The following DHRSX variants were observed in gnomAD, a reference collection of about 807,000 sequenced individuals.
DHRSX encodes the protein polyprenol dehydrogenase.
Under a neutral mutation model 34.0 loss-of-function variants are expected in DHRSX, and 31 were observed. The ratio of observed to expected loss-of-function variants is 0.91; its 90% CI spans 0.69 to 1.23. The LOEUF (loss-of-function observed/expected upper bound fraction) is 1.23, where lower values mean the gene tolerates loss of function less well. DHRSX is among the 50% of genes most tolerant of loss of function. The pLI, the probability that DHRSX is intolerant of heterozygous loss-of-function variation, is 0.00. For missense variants in DHRSX, 414 were observed against 428.1 expected, an observed-to-expected ratio of 0.97 and a Z score of 0.29; for synonymous variants, 201 against 183.8, an observed-to-expected ratio of 1.09 and a Z score of -0.76.
intron 4 of DHRSX, among the ~76,000 whole-genome samples, chrX:2,291,014 G>A (rs1450055717): frequency 6.6e-6 from 1 of 152,170 alleles, no homozygotes; most frequent in Non-Finnish European, 1.5e-5. Context: ...AGGGCTCAAG[G>A]TCAAGGGTAG....
At chrX:2,459,270 T>A (rs190880299) in intron 1 of DHRSX, among the ~76,000 whole-genome samples, 51 of 152,190 alleles carry the variant, frequency 3.4e-4, no homozygotes, top group South Asian at 2.3e-3. Context: ...AAAACTAGAT[T>A]TTACATATTC....
intron 1 of DHRSX, among the ~76,000 whole-genome samples, chrX:2,459,589 T>C (rs866853115): frequency 6.6e-5 from 9 of 135,354 alleles, no homozygotes; most frequent in Middle Eastern, 4.2e-3. Flanking sequence ...TACACACACA[T>C]ACAATATATA....
chrX:2,303,414 A>G (rs67092064), intron 3 of DHRSX, among the ~76,000 whole-genome samples: 65,381 of 151,676 alleles, frequency 0.43, 14,735 homozygotes, highest in Middle Eastern at 0.55. Flanking sequence ...ATGAGTTCCC[A>G]CAAGATCTGG....
intron 3 of DHRSX, among the ~76,000 whole-genome samples, chrX:2,350,084 G>A (rs1196140641): frequency 1.3e-5 from 2 of 152,028 alleles, no homozygotes; most frequent in Admixed American, 6.6e-5. Context: ...AGTGGCCCAC[G>A]CCTGGTATCC....
chrX:2,484,265 A>G (rs1268245864), intron 1 of DHRSX, among the ~76,000 whole-genome samples: 1 of 152,128 alleles, frequency 6.6e-6, no homozygotes, highest in African/African-American at 2.4e-5. Context: ...GAGCCACCAC[A>G]CCCAGCAATG....
At position 2,303,797 on chromosome X, in the gene DHRSX, G is replaced by GGATGGATGGGTGGATGGGTGGA. The variant is rs1267748050; in HGVS notation, c.287-12195_287-12194insTCCACCCATCCACCCATCCATC. ...AATGGATGGATGGATGGATGGGTGG[G>GGATGGATGGGTGGATGGGTGGA]TGGGTGGGTGGATGGGTGGGTGGAT... On this transcript the variant is annotated intron_variant, in intron 3 of 6. Transcript: ENST00000334651. 8.3e-4 allele frequency among the ~76,000 whole-genome samples: 22 copies of GGATGGATGGGTGGATGGGTGGA among 26,640 alleles called. 1 individual carries two copies. Among genetic ancestry groups the GGATGGATGGGTGGATGGGTGGA allele is most frequent in the African/African-American group, 3.1e-3 (21 of 6,710 alleles). The allele number at this position is 26,640 out of a possible 152,430, so 17.5% of individuals were successfully genotyped here. A position where few individuals can be genotyped will look rare whatever the true frequency, so the allele number is the denominator to read the frequency against.
At chrX:2,389,921 C>T (rs2043315258) in intron 3 of DHRSX, among the ~76,000 whole-genome samples, 1 of 152,012 alleles carries the variant, frequency 6.6e-6, no homozygotes, top group South Asian at 2.1e-4. Context: ...GCTGGGATTA[C>T]AGGCTTGAGC....
chrX:2,328,639 G>A (rs1202888896), intron 3 of DHRSX, among the ~76,000 whole-genome samples: 1 of 152,192 alleles, frequency 6.6e-6, no homozygotes, highest in Non-Finnish European at 1.5e-5. Flanking sequence ...AAGCCCAGCA[G>A]AGAGGCCTCA....
rs2044157412 is a variant in DHRSX, at chrX:2,447,779, C to G, written c.110-22475G>C. On this transcript the variant is annotated intron_variant, in intron 1 of 6. Transcript: ENST00000334651. ...AATGTGAAGTGAAATAAACCAGGCACAGAGAGAATACCATATCATCTCGTA... is the reference window on the plus strand; with the variant it reads ...AATGTGAAGTGAAATAAACCAGGCAGAGAGAGAATACCATATCATCTCGTA... Among the ~76,000 whole-genome samples the G allele has an allele frequency of 1.5e-5, 2 of 129,540 alleles. 1 individual carries two copies. Among genetic ancestry groups the G allele is most frequent in the Non-Finnish European group, 3.2e-5 (2 of 61,626 alleles). 85.0% of individuals were successfully genotyped at this position (129,540 alleles called of 152,430 possible).
intron 3 of DHRSX, among the ~76,000 whole-genome samples, chrX:2,311,053 C>T (rs2042158587): frequency 9.5e-6 from 1 of 105,678 alleles, no homozygotes; most frequent in African/African-American, 3.7e-5. Flanking sequence ...AAGAACAACA[C>T]TCTGTGTCAA....
intron 1 of DHRSX, among the ~76,000 whole-genome samples, chrX:2,458,263 G>C (rs1200874560): frequency 6.6e-6 from 1 of 152,122 alleles, no homozygotes; most frequent in Non-Finnish European, 1.5e-5. Context: ...CGTTCCCTAA[G>C]GTCCAGCCAT....
chrX:2,490,548 C>T, intron 1 of DHRSX: 1 of 1,613,948 alleles, frequency 6.2e-7, no homozygotes, highest in South Asian at 1.1e-5. Flanking sequence ...GAGGTGTTTC[C>T]GGAGTAGGCG....
At chrX:2,465,809 C>CAAAAAA (rs375728172) in intron 1 of DHRSX, among the ~76,000 whole-genome samples, 16 of 84,722 alleles carry the variant, frequency 1.9e-4, no homozygotes, top group African/African-American at 5.9e-4. Flanking sequence ...AACTCCATCG[C>CAAAAAA]AAAAAAAAAA....
intron 1 of DHRSX, among the ~76,000 whole-genome samples, chrX:2,456,274 CAG>C (rs1302797723): frequency 6.6e-6 from 1 of 152,112 alleles, no homozygotes; most frequent in East Asian, 1.9e-4. Context: ...TCATTTGTCA[CAG>C]GTAGAAACAG....
At chrX:2,479,492 C>T (rs764365774) in intron 1 of DHRSX, among the ~76,000 whole-genome samples, 11 of 151,896 alleles carry the variant, frequency 7.2e-5, no homozygotes, top group African/African-American at 2.4e-4. Context: ...ACGGGACCAC[C>T]GTGTACGCAC....
At position 2,291,523 on chromosome X, in the gene DHRSX, G is replaced by A; in HGVS notation, c.367C>T (p.Leu123Phe). The A allele has an allele frequency of 1.2e-6, 2 of 1,613,858 alleles. No homozygotes were observed. The highest frequency in any genetic ancestry group is 1.7e-6 in the Non-Finnish European group (2 of 1,179,766). ...TCACCATTGTTGATCAGGACATGGAGAGGAATCTTCTTCATCTTGAACTTC... is the reference window on the plus strand; with the variant it reads ...TCACCATTGTTGATCAGGACATGGAAAGGAATCTTCTTCATCTTGAACTTC... ...VQKFKMKKIPLHVLINNAGVM... is the reference protein window; with the variant it reads ...VQKFKMKKIPFHVLINNAGVM... Residue 123 changes from leucine to phenylalanine, a missense_variant, in exon 4 of 7, where the codon CTC (leucine) becomes TTC (phenylalanine). Transcript: ENST00000334651.
intron 1 of DHRSX, 145 bp from the exon 2 acceptor site, chrX:2,425,449 G>GTATA: frequency 1.4e-6 from 1 of 719,964 alleles, no homozygotes; most frequent in East Asian, 2.7e-5. Flanking sequence ...ATTCCCACAG[G>GTATA]CTCAGGAGGC....
intron 3 of DHRSX, among the ~76,000 whole-genome samples, chrX:2,372,492 C>T (rs1466855352): frequency 6.6e-6 from 1 of 152,052 alleles, no homozygotes. Context: ...GTATAAAAAC[C>T]CAGGACCCAA....
intron 3 of DHRSX, among the ~76,000 whole-genome samples, chrX:2,380,867 G>C (rs2043194407): frequency 6.6e-6 from 1 of 152,028 alleles, no homozygotes; most frequent in African/African-American, 2.4e-5. Flanking sequence ...TTGCTTTTTT[G>C]TTTTGTTTTG....
Sources: allele counts gnomAD v4.1 joint callset (sites outside exome capture counted in the v4.1 genomes callset), GRCh38; gene constraint gnomAD v4.1.1; transcripts MANE v1.5; gene names NCBI Gene and HGNC (gene_info 2026-07-23, HGNC 2026-07-21).